The following ENTREP2 variants were observed in gnomAD, a reference collection of about 807,000 sequenced individuals.
ENTREP2 encodes endosomal transmembrane epsin interactor 2.
chr15:29,263,267 A>G, the ENTREP2 span, among the ~76,000 whole-genome samples: 3 of 152,250 alleles, frequency 2.0e-5, no homozygotes, highest in Non-Finnish European at 4.4e-5. Flanking sequence ...ACTTTCGAAA[A>G]CATCTAATCT....
the ENTREP2 span, among the ~76,000 whole-genome samples, chr15:29,212,641 T>C: frequency 3.9e-5 from 6 of 152,240 alleles, no homozygotes; most frequent in Non-Finnish European, 5.9e-5. Context: ...AACTTGCCTC[T>C]TAGCACCGCC....
At chr15:29,532,675 A>T in the ENTREP2 span, among the ~76,000 whole-genome samples, 6 of 152,336 alleles carry the variant, frequency 3.9e-5, no homozygotes, top group African/African-American at 1.4e-4. Context: ...CTAAGTTCCA[A>T]TTTTTAAAAC....
chr15:29,525,574 AG>A, the ENTREP2 span, among the ~76,000 whole-genome samples: 1 of 152,262 alleles, frequency 6.6e-6, no homozygotes, highest in East Asian at 1.9e-4. Context: ...GGGCTAAACT[AG>A]GCACATGAAA....
At chr15:29,566,715 C>T in the ENTREP2 span, among the ~76,000 whole-genome samples, 2 of 149,924 alleles carry the variant, frequency 1.3e-5, no homozygotes, top group Non-Finnish European at 3.0e-5. Flanking sequence ...CCTCAGTCTC[C>T]CAAAGTGTTG....
chr15:29,138,169 G>C, the ENTREP2 span, among the ~76,000 whole-genome samples: 807 of 152,204 alleles, frequency 5.3e-3, 6 homozygotes, highest in African/African-American at 0.019. Flanking sequence ...ACACTGCTCT[G>C]AGGAAAGAGA....
chr15:29,586,493 T>C, the ENTREP2 span, among the ~76,000 whole-genome samples: 8 of 152,196 alleles, frequency 5.3e-5, no homozygotes, highest in Non-Finnish European at 1.2e-4. Flanking sequence ...GTGTTATTTT[T>C]CTAAAAGACC....
At chr15:29,674,136 G>GC in the ENTREP2 span, among the ~76,000 whole-genome samples, 1 of 149,778 alleles carries the variant, frequency 6.7e-6, no homozygotes, top group Non-Finnish European at 1.5e-5. Context: ...GATGGGGGGG[G>GC]GGGGGGGCTT....
chr15:29,397,008 C>G, the ENTREP2 span, among the ~76,000 whole-genome samples: 4 of 152,086 alleles, frequency 2.6e-5, no homozygotes, highest in Non-Finnish European at 4.4e-5. Context: ...AAATACATTA[C>G]AAGATGATTA....
the ENTREP2 span, among the ~76,000 whole-genome samples, chr15:29,398,965 C>T: frequency 1.3e-5 from 2 of 152,162 alleles, no homozygotes; most frequent in Non-Finnish European, 2.9e-5. Flanking sequence ...CTTGGGTGTG[C>T]CTGACCTAAT....
At chr15:29,378,659 G>A in the ENTREP2 span, among the ~76,000 whole-genome samples, 3 of 152,134 alleles carry the variant, frequency 2.0e-5, no homozygotes, top group Non-Finnish European at 2.9e-5. Flanking sequence ...TCCAGCCTGC[G>A]GGCCAGCACT....
the ENTREP2 span, among the ~76,000 whole-genome samples, chr15:29,484,900 C>T: frequency 3.9e-5 from 6 of 152,156 alleles, no homozygotes; most frequent in East Asian, 1.9e-4. Flanking sequence ...AGCAGGAAAA[C>T]GTTAACTGGT....
At chr15:29,295,261 C>T in the ENTREP2 span, among the ~76,000 whole-genome samples, 40 of 152,336 alleles carry the variant, frequency 2.6e-4, no homozygotes, top group Middle Eastern at 3.4e-3. Flanking sequence ...GCACTGACGA[C>T]GATGGGCAGC....
chr15:29,674,129 G>GGGGGC, the ENTREP2 span, among the ~76,000 whole-genome samples: 1 of 47,910 alleles, frequency 2.1e-5, no homozygotes, highest in South Asian at 5.7e-4. Flanking sequence ...TGCAGAGGAT[G>GGGGGC]GGGGGGGGGG....
the ENTREP2 span, among the ~76,000 whole-genome samples, chr15:29,359,984 G>A: frequency 6.6e-6 from 1 of 152,182 alleles, no homozygotes; most frequent in East Asian, 1.9e-4. Context: ...GAGGGTGGAT[G>A]TTTGAAAGAA....
At chr15:29,637,203 C>T in the ENTREP2 span, among the ~76,000 whole-genome samples, 1 of 152,214 alleles carries the variant, frequency 6.6e-6, no homozygotes, top group Non-Finnish European at 1.5e-5. Flanking sequence ...TTGAGAAAGC[C>T]AGCCCCTGAT....
chr15:29,447,200 T>A, the ENTREP2 span, among the ~76,000 whole-genome samples: 2,204 of 152,270 alleles, frequency 0.014, 52 homozygotes, highest in African/African-American at 0.05. Context: ...ATTGGGACTG[T>A]AATCCAATAA....
the ENTREP2 span, among the ~76,000 whole-genome samples, chr15:29,130,818 T>C: frequency 6.6e-6 from 1 of 152,202 alleles, no homozygotes; most frequent in Non-Finnish European, 1.5e-5. Context: ...CTTCCTTTCA[T>C]ACAGCATTTT....
the ENTREP2 span, among the ~76,000 whole-genome samples, chr15:29,231,375 T>G: frequency 6.6e-6 from 1 of 152,168 alleles, no homozygotes; most frequent in African/African-American, 2.4e-5. Context: ...CCCTAGTAAA[T>G]GGCCTTACCA....
At chr15:29,617,541 T>C in the ENTREP2 span, among the ~76,000 whole-genome samples, 32 of 152,344 alleles carry the variant, frequency 2.1e-4, 1 homozygote, top group East Asian at 3.7e-3. Context: ...CATTAGCTGC[T>C]GCAACTCATT....
Sources: gnomAD v4.1 joint callset for allele counts (sites outside exome capture counted in the v4.1 genomes callset) on GRCh38, gnomAD v4.1.1 for gene constraint, MANE v1.5 for transcripts, NCBI Gene and HGNC (gene_info 2026-07-23, HGNC 2026-07-21) for gene names.